SQSTM1: variants seen among roughly 807,000 people sequenced by gnomAD.
The protein encoded by SQSTM1 is sequestosome-1.
A neutral mutation model predicts 45.1 loss-of-function variants in SQSTM1; 36 were observed. That is an observed-to-expected ratio of 0.80 (90% CI 0.61 to 1.05). SQSTM1 has a LOEUF of 1.05. Ranked by LOEUF, SQSTM1 falls within the 50% of genes least tolerant of loss-of-function variation. The pLI is 0.00. For synonymous variants in SQSTM1, 290 were observed against 244.3 expected (o/e 1.19, Z -1.74); for missense variants, 617 against 607.1 (o/e 1.02, Z -0.17).
upstream of SQSTM1, among the ~76,000 whole-genome samples, chr5:179,818,181 C>T (rs1467585849): frequency 6.6e-6 from 1 of 152,042 alleles, no homozygotes; most frequent in African/African-American, 2.4e-5. Flanking sequence ...AGGGAAAAGT[C>T]ACCAGGTAGA....
Position 179,836,739 on chromosome 5 carries a change from C to T in SQSTM1, c.*146C>T, listed in dbSNP as rs1758579829. On this transcript the variant is annotated 3_prime_UTR_variant, in exon 8 of 8. Coordinates refer to ENST00000389805, the MANE Select transcript of SQSTM1 (RefSeq NM_003900.5). ...GGGTGCAAGAAGCCATTTAGGGCAG[C>T]AAAACAAGTGACATGAAGGGAGGGT... 4.1e-6 allele frequency: 5 copies of T among 1,230,732 alleles called. No individual in the cohort carries two copies. The Admixed American group carries it at 8.8e-5, about 22-fold the overall frequency. The allele number at this position is 1,230,732 out of a possible 1,614,324, so 76.2% of individuals were successfully genotyped here.
chr5:179,837,954 C>A lies in SQSTM1; in HGVS notation c.*1361C>A. ...CCAGGGCCCAGGAGGACCGCCTGCC[C>A]TGCCTGGGCCTTGGCTGGGCCTCTG... On this transcript the variant is annotated 3_prime_UTR_variant, in exon 8 of 8. Transcript: ENST00000389805. 6.8e-7 allele frequency: 1 copy of A among 1,470,838 alleles called. No homozygotes were observed. The highest frequency in any genetic ancestry group is 9.2e-7 in the Non-Finnish European group (1 of 1,090,860). 91.1% of individuals were successfully genotyped at this position (1,470,838 alleles called of 1,614,324 possible).
Position 179,822,827 on chromosome 5 carries a change from T to C in SQSTM1, c.206-131T>C, listed in dbSNP as rs114725045. 4,537 of 794,812 alleles carry C rather than the reference T, an allele frequency of 5.7e-3. 182 individuals carry two copies. The African/African-American group carries it at 0.07, about 12-fold the overall frequency. 49.2% of individuals were successfully genotyped at this position (794,812 alleles called of 1,614,324 possible). ...AGTCTTGCCTCTCACTCCTGCCCTC[T>C]GTGGCTCAAGTAGGTGTGTTTGTTT... On this transcript the variant is annotated intron_variant, in intron 1 of 7. Coordinates refer to ENST00000389805, the MANE Select transcript of SQSTM1 (RefSeq NM_003900.5).
intron 5 of SQSTM1, 105 bp downstream of exon 5, chr5:179,825,331 C>G (rs1255650346): frequency 9.7e-7 from 1 of 1,029,356 alleles, no homozygotes. Context: ...GCCCTTGACA[C>G]TGGTGAGGAT....
At chr5:179,816,627 A>C (rs1581997520), upstream of SQSTM1, among the ~76,000 whole-genome samples, 1 of 150,688 alleles carries the variant, frequency 6.6e-6, no homozygotes, top group Non-Finnish European at 1.5e-5. Context: ...GGCCATGCCG[A>C]CCTCTCCCCC....
chr5:179,833,157 A>G lies in SQSTM1; in HGVS notation c.880A>G (p.Ser294Gly), dbSNP rs1235750387. 1 of 1,614,160 alleles carries G rather than the reference A, an allele frequency of 6.2e-7. No individual in the cohort carries two copies. Among genetic ancestry groups the G allele is most frequent in the South Asian group, 1.1e-5 (1 of 91,090 alleles). Residue 294 changes from serine to glycine, a missense_variant, in exon 6 of 8, where the codon AGC becomes GGC. Transcript: ENST00000389805. ...SQPSSCCSDP[S>G]KPGGNVEGAT... ...GCCAAGCAGCTGCTGCTCTGACCCC[A>G]GCAAGCCGGGTGGGAATGTTGAGGG...
chr5:179,821,782 C>T (rs1286161788), intron 1 of SQSTM1: 4 of 314,400 alleles, frequency 1.3e-5, no homozygotes, highest in Non-Finnish European at 2.5e-5. Context: ...GCACAGAAGC[C>T]CTGTTTCCTG....
intron 5 of SQSTM1, among the ~76,000 whole-genome samples, chr5:179,829,956 G>A (rs1758144611): frequency 6.6e-6 from 1 of 152,102 alleles, no homozygotes; most frequent in African/African-American, 2.4e-5. Flanking sequence ...CAAACACTAT[G>A]AAAATTAGCC....
In SQSTM1 at chr5:179,836,624, T is replaced by C; in HGVS notation, c.*31T>C. 11 of 1,614,050 alleles carry C rather than the reference T, an allele frequency of 6.8e-6. No individual in the cohort carries two copies. Among genetic ancestry groups the C allele is most frequent in the Non-Finnish European group, 9.3e-6 (11 of 1,179,986 alleles). On this transcript the variant is annotated 3_prime_UTR_variant, in exon 8 of 8. Coordinates refer to ENST00000389805, the MANE Select transcript of SQSTM1 (RefSeq NM_003900.5). The stretch of plus-strand genomic sequence containing the variant: ...TTTGCCCACCTCTTCTGCGTGCCCC[T>C]CTTCTGTCTCATAGTTGTGTTAAGC...
intron 7 of SQSTM1, among the ~76,000 whole-genome samples, chr5:179,834,160 G>GGT (rs1554091544): frequency 6.8e-6 from 1 of 146,176 alleles, no homozygotes; most frequent in Non-Finnish European, 1.5e-5. Flanking sequence ...TCTGAGAGGG[G>GGT]GGGGGGTCAT....
upstream of SQSTM1, among the ~76,000 whole-genome samples, chr5:179,818,557 C>G (rs1414228778): frequency 6.6e-6 from 1 of 152,138 alleles, no homozygotes; most frequent in Non-Finnish European, 1.5e-5. Flanking sequence ...CAGACAGAAC[C>G]AGACCACCCC....
At position 179,837,446 on chromosome 5, in the gene SQSTM1, G is replaced by A. The variant is rs759522250; in HGVS notation, c.*853G>A. The A allele has an allele frequency of 6.2e-7, 1 of 1,611,814 alleles. No homozygotes were observed. The highest frequency in any genetic ancestry group is 8.5e-7 in the Non-Finnish European group (1 of 1,178,592). On this transcript the variant is annotated 3_prime_UTR_variant, in exon 8 of 8. Coordinates refer to ENST00000389805, the MANE Select transcript of SQSTM1 (RefSeq NM_003900.5). ...TATAAAGAGGTCACATAGTCGTGTG[G>A]GTCGAGGATTCTGTGCCTCCAGGAC...
chr5:179,831,626 T>C (rs946535296), intron 5 of SQSTM1, among the ~76,000 whole-genome samples: 15 of 152,072 alleles, frequency 9.9e-5, no homozygotes, highest in African/African-American at 3.6e-4. Context: ...ATTGCGGCAC[T>C]GCGCTCCAGC....
chr5:179,835,707 C>G (rs948292073), intron 7 of SQSTM1: 1 of 155,490 alleles, frequency 6.4e-6, no homozygotes, highest in African/African-American at 2.4e-5. Context: ...CTATATCATT[C>G]TTATGTCTTT....
intron 2 of SQSTM1, 111 bp downstream of exon 2, chr5:179,823,164 G>A: frequency 9.6e-7 from 1 of 1,039,806 alleles, no homozygotes; most frequent in Admixed American, 2.0e-5. Flanking sequence ...AGCAATTTGA[G>A]GGCTGTTTAA....
intron 5 of SQSTM1, among the ~76,000 whole-genome samples, chr5:179,832,079 G>A (rs369839622): frequency 2.0e-5 from 3 of 152,156 alleles, no homozygotes; most frequent in East Asian, 3.9e-4. Flanking sequence ...CACTGCGCTC[G>A]GCCTACTGAA....
Position 179,837,284 on chromosome 5 carries a change from A to G in SQSTM1, c.*691A>G, listed in dbSNP as rs542177571. The G allele has an allele frequency of 3.1e-6, 5 of 1,607,764 alleles. No homozygotes were observed. The highest frequency in any genetic ancestry group is 2.2e-5 in the East Asian group (1 of 44,868). The stretch of plus-strand genomic sequence containing the variant: ...GTTTGCATAGAGAGAAATGATTGAC[A>G]GTAAGTTTATTGTTAATGGTTCTTA... On this transcript the variant is annotated 3_prime_UTR_variant, in exon 8 of 8. Coordinates refer to ENST00000389805, the MANE Select transcript of SQSTM1 (RefSeq NM_003900.5).
At chr5:179,834,452 T>A (rs919719927) in intron 7 of SQSTM1, among the ~76,000 whole-genome samples, 8 of 151,806 alleles carry the variant, frequency 5.3e-5, no homozygotes, top group Non-Finnish European at 1.0e-4. Flanking sequence ...TCTTGGGTGT[T>A]TCTCGCAGAG....
At chr5:179,813,014 A>T (rs568159347) in intron 2 of SQSTM1, 1 of 146,204 alleles carries the variant, frequency 6.8e-6, no homozygotes, top group Non-Finnish European at 1.5e-5. Context: ...AAAAGAAAAG[A>T]AAAAGAAAAA....
Sources: allele counts gnomAD v4.1 joint callset (sites outside exome capture counted in the v4.1 genomes callset), GRCh38; gene constraint gnomAD v4.1.1; transcripts MANE v1.5; gene names NCBI Gene and HGNC (gene_info 2026-07-23, HGNC 2026-07-21).